TENM2: variants seen among roughly 807,000 people sequenced by gnomAD.
TENM2 encodes the protein teneurin transmembrane protein 2.
A neutral mutation model predicts 245.2 loss-of-function variants in TENM2; 52 were observed. The ratio of observed to expected loss-of-function variants is 0.21; its 90% CI spans 0.17 to 0.27. The LOEUF is 0.27. TENM2 is among the 10% of genes least tolerant of loss of function. The pLI is 1.00. For synonymous variants in TENM2, 1,363 were observed against 1,438.9 expected (o/e 0.95, Z 1.19); for missense variants, 3,046 against 3,666.8 (o/e 0.83, Z 4.37).
intron 3 of TENM2, among the ~76,000 whole-genome samples, chr5:167,946,343 C>T (rs1779619943): frequency 7.9e-6 from 1 of 127,238 alleles, no homozygotes; most frequent in South Asian, 2.5e-4. Context: ...CCTCATGCTG[C>T]CCCTCACGCC....
In TENM2 at chr5:167,993,142, C is replaced by T. The variant is rs1240015297; in HGVS notation, c.1146C>T (p.Ala382=). The change falls in exon 5 of 29, where the codon GCC becomes GCT. Residue 382 remains alanine, a synonymous_variant. Coordinates refer to ENST00000518659, the Ensembl canonical transcript of TENM2. ...AATGTGCTGCCCTCTCCGCCATTGC[C>T]GCGGCCCTCCTCTTGGCTATTTTGC... is the stretch of plus-strand genomic sequence containing the variant. The T allele has an allele frequency of 2.0e-5, 33 of 1,613,892 alleles. No individual in the cohort carries two copies. The East Asian group carries it at 4.5e-4, about 22-fold the overall frequency.
chr5:168,029,446 G>T (rs10062914), intron 5 of TENM2, among the ~76,000 whole-genome samples: 1,605 of 152,240 alleles, frequency 0.011, 32 homozygotes, highest in African/African-American at 0.037. Context: ...CCCAAGTTTG[G>T]CATGATGGAC....
At chr5:167,012,030 T>C in the TENM2 span, among the ~76,000 whole-genome samples, 1 of 152,152 alleles carries the variant, frequency 6.6e-6, no homozygotes, top group Non-Finnish European at 1.5e-5. Context: ...CTTACGGATT[T>C]GTGGCCTCTC....
At chr5:167,189,741 A>G in the TENM2 span, among the ~76,000 whole-genome samples, 1 of 151,962 alleles carries the variant, frequency 6.6e-6, no homozygotes, top group Non-Finnish European at 1.5e-5. Flanking sequence ...GCTCTTGAGT[A>G]GCCATATATT....
intron 2 of TENM2, among the ~76,000 whole-genome samples, chr5:167,437,491 TTTGAG>T (rs1177544713): frequency 1.3e-5 from 2 of 152,114 alleles, no homozygotes; most frequent in African/African-American, 4.8e-5. Context: ...CTTGTGGACT[TTTGAG>T]TTAATGCTGA....
intron 6 of TENM2, among the ~76,000 whole-genome samples, chr5:168,053,810 C>T (rs187497712): frequency 6.6e-6 from 1 of 152,230 alleles, no homozygotes. Context: ...ATGCAGTCAG[C>T]ATAGGGGTTA....
intron 13 of TENM2, among the ~76,000 whole-genome samples, chr5:168,169,341 C>G (rs77375963): frequency 6.6e-6 from 1 of 152,166 alleles, no homozygotes; most frequent in South Asian, 2.1e-4. Flanking sequence ...TATTTCCCAC[C>G]CTACCTCCAT....
chr5:167,546,196 T>G (rs1055887211), intron 2 of TENM2, among the ~76,000 whole-genome samples: 1 of 152,254 alleles, frequency 6.6e-6, no homozygotes, highest in African/African-American at 2.4e-5. Context: ...TTAGCTGCCA[T>G]GCTGCGTGGA....
intron 1 of TENM2, among the ~76,000 whole-genome samples, chr5:167,344,323 T>TATATAG (rs1554136992): frequency 8.1e-6 from 1 of 123,646 alleles, no homozygotes; most frequent in Non-Finnish European, 1.8e-5. Context: ...TATATATATA[T>TATATAG]ATATATAGAT....
intron 13 of TENM2, among the ~76,000 whole-genome samples, chr5:168,171,115 T>C (rs1181420601): frequency 6.6e-6 from 1 of 152,210 alleles, no homozygotes; most frequent in Non-Finnish European, 1.5e-5. Context: ...AGTCATTCAG[T>C]TCTCAGCTCA....
intron 2 of TENM2, among the ~76,000 whole-genome samples, chr5:167,562,677 A>G (rs893147535): frequency 6.6e-6 from 1 of 152,104 alleles, no homozygotes; most frequent in African/African-American, 2.4e-5. Context: ...AGTCAAATAG[A>G]AAATGGTGGC....
the TENM2 span, among the ~76,000 whole-genome samples, chr5:167,031,063 C>G: frequency 1.3e-5 from 2 of 152,098 alleles, no homozygotes; most frequent in Non-Finnish European, 2.9e-5. Context: ...AGAAGTGAGC[C>G]GCGTCTTCCG....
intron 5 of TENM2, among the ~76,000 whole-genome samples, chr5:168,033,869 A>C (rs113417067): frequency 3.3e-5 from 5 of 151,850 alleles, no homozygotes; most frequent in African/African-American, 1.2e-4. Flanking sequence ...TCTACTAAAA[A>C]TACAAAAATT....
chr5:167,734,471 A>C (rs1040571165), intron 2 of TENM2, among the ~76,000 whole-genome samples: 2 of 148,468 alleles, frequency 1.3e-5, no homozygotes, highest in Non-Finnish European at 3.0e-5. Flanking sequence ...AGATATAATC[A>C]TATATAATAT....
At chr5:167,952,869 C>A in intron 4 of TENM2, 47 bp downstream of exon 6, 5 of 1,473,472 alleles carry the variant, frequency 3.4e-6, no homozygotes, top group Non-Finnish European at 4.6e-6. Flanking sequence ...GTCACCTTAC[C>A]CCTGAGTCAC....
At chr5:166,979,261 C>T in the TENM2 span, among the ~76,000 whole-genome samples, 1 of 151,876 alleles carries the variant, frequency 6.6e-6, no homozygotes, top group Admixed American at 6.6e-5. Context: ...TCGAGCTCAG[C>T]GGCACAGCAG....
chr5:168,226,877 A>AAGAT (rs1285672563), intron 24 of TENM2, among the ~76,000 whole-genome samples: 1 of 152,208 alleles, frequency 6.6e-6, no homozygotes, highest in Non-Finnish European at 1.5e-5. Context: ...TCTTTTAATT[A>AAGAT]AGATATAATG....
chr5:167,265,432 A>G, the TENM2 span, among the ~76,000 whole-genome samples: 3 of 151,136 alleles, frequency 2.0e-5, no homozygotes, highest in Admixed American at 6.6e-5. Flanking sequence ...AGAACTGGTT[A>G]TGGCATCATC....
At chr5:167,569,444 C>G (rs1008049107) in intron 2 of TENM2, among the ~76,000 whole-genome samples, 42 of 152,016 alleles carry the variant, frequency 2.8e-4, no homozygotes, top group African/African-American at 9.9e-4. Context: ...ACCAGAAAAG[C>G]CAAGTAATAA....
Sources: allele counts gnomAD v4.1 joint callset (sites outside exome capture counted in the v4.1 genomes callset), GRCh38; gene constraint gnomAD v4.1.1; transcripts MANE v1.5; gene names NCBI Gene and HGNC (gene_info 2026-07-23, HGNC 2026-07-21).